Variants in ARHGAP24 observed in about 807,000 individuals in gnomAD.
ARHGAP24 encodes Rho GTPase activating protein 24.
A neutral mutation model predicts 76.4 loss-of-function variants in ARHGAP24; 50 were observed. The ratio of observed to expected loss-of-function variants is 0.65; its 90% CI spans 0.52 to 0.83. The LOEUF is 0.83. Ranked by LOEUF, ARHGAP24 falls within the 40% of genes least tolerant of loss-of-function variation. ARHGAP24 has a pLI of 0.00. For missense variants in ARHGAP24, 930 were observed against 914.2 expected (o/e 1.02, Z -0.22); for synonymous variants, 345 against 323.3 (o/e 1.07, Z -0.72).
chr4:85,586,066 G>A (rs1170641297), intron 2 of ARHGAP24, among the ~76,000 whole-genome samples: 4 of 152,114 alleles, frequency 2.6e-5, no homozygotes, highest in Non-Finnish European at 5.9e-5. Context: ...GATTGCAGGA[G>A]CATTTGCCCC....
intron 1 of ARHGAP24, among the ~76,000 whole-genome samples, chr4:85,569,455 T>C (rs1047061674): frequency 7.9e-5 from 12 of 152,222 alleles, no homozygotes; most frequent in African/African-American, 2.9e-4. Context: ...AATGTCCACC[T>C]TCTCTGTTCT....
intron 3 of ARHGAP24, among the ~76,000 whole-genome samples, chr4:85,738,367 TTTATTATTATTATTATTATTA>T (rs58504018): frequency 4.3e-4 from 62 of 144,094 alleles, no homozygotes; most frequent in African/African-American, 1.5e-3. Context: ...CATTTGGGCT[TTTATTATTATTATTATTATTA>T]TTATTATTAT....
chr4:85,631,645 A>G (rs1578094288), intron 2 of ARHGAP24, among the ~76,000 whole-genome samples: 4 of 152,192 alleles, frequency 2.6e-5, no homozygotes, highest in Admixed American at 2.6e-4. Flanking sequence ...TAGATTTCCT[A>G]TTCTTTCTCA....
intron 2 of ARHGAP24, among the ~76,000 whole-genome samples, chr4:85,627,520 A>G (rs534243419): frequency 3.3e-4 from 51 of 152,288 alleles, no homozygotes; most frequent in African/African-American, 1.1e-3. Flanking sequence ...CTCAGTGGTC[A>G]GGGAGCCACT....
intron 3 of ARHGAP24, among the ~76,000 whole-genome samples, chr4:85,815,472 CA>C (rs1729197027): frequency 6.6e-6 from 1 of 152,154 alleles, no homozygotes; most frequent in South Asian, 2.1e-4. Flanking sequence ...CTCTCGAGTT[CA>C]AAATTCCACA....
chr4:85,845,740 G>A (rs1273258333), intron 3 of ARHGAP24, among the ~76,000 whole-genome samples: 1 of 152,130 alleles, frequency 6.6e-6, no homozygotes, highest in Non-Finnish European at 1.5e-5. Flanking sequence ...TATGTTAATA[G>A]AGTTAAAAAT....
intron 3 of ARHGAP24, among the ~76,000 whole-genome samples, chr4:85,831,935 C>T (rs1730014300): frequency 6.6e-6 from 1 of 150,656 alleles, no homozygotes; most frequent in African/African-American, 2.4e-5. Flanking sequence ...TTTCCTTTTC[C>T]TGCTAAGTCT....
rs112904597 is a variant in ARHGAP24, at chr4:85,897,986, C to CAT, written c.269-25646_269-25645dup. 4.7e-3 allele frequency among the ~76,000 whole-genome samples: 675 copies of CAT among 144,990 alleles called. 1 individual carries two copies. Among genetic ancestry groups the CAT allele is most frequent in the African/African-American group, 0.011 (417 of 39,518 alleles). ...TATAGAAATTTACCTCTAATACACA[C>CAT]ATATATATATATATATACACATATA... On this transcript the variant is annotated intron_variant, in intron 3 of 9. Coordinates refer to ENST00000395184, the MANE Select transcript of ARHGAP24 (RefSeq NM_001025616.3).
chr4:85,923,544 C>A (rs527859674), intron 3 of ARHGAP24, 104 bp from the exon 4 acceptor site: 15 of 1,488,790 alleles, frequency 1.0e-5, no homozygotes, highest in Non-Finnish European at 1.4e-5. Flanking sequence ...GAACTTAGTG[C>A]GGGCTGTATT....
At chr4:85,520,638 C>T (rs1724704217) in intron 1 of ARHGAP24, among the ~76,000 whole-genome samples, 1 of 152,112 alleles carries the variant, frequency 6.6e-6, no homozygotes, top group Non-Finnish European at 1.5e-5. Flanking sequence ...TTTTCTTGAA[C>T]CTGTAATTTA....
intron 3 of ARHGAP24, among the ~76,000 whole-genome samples, chr4:85,851,968 T>C (rs977232196): frequency 3.9e-5 from 6 of 152,164 alleles, no homozygotes; most frequent in Non-Finnish European, 8.8e-5. Context: ...TAGTGTTCTC[T>C]GTATTTCTTG....
At chr4:85,891,292 A>G (rs1403840823) in intron 3 of ARHGAP24, among the ~76,000 whole-genome samples, 2 of 150,254 alleles carry the variant, frequency 1.3e-5, no homozygotes, top group Non-Finnish European at 3.0e-5. Flanking sequence ...ATAAACAATC[A>G]TGTCGTCTGC....
chr4:85,663,277 G>A (rs866209827), intron 2 of ARHGAP24, among the ~76,000 whole-genome samples: 12 of 141,396 alleles, frequency 8.5e-5, no homozygotes, highest in Non-Finnish European at 1.4e-4. Context: ...TCTCTTTGAA[G>A]CAATTGTGAA....
chr4:85,622,150 G>A lies in ARHGAP24; in HGVS notation c.180+51429G>A, dbSNP rs1448204104. Among the ~76,000 whole-genome samples, 3 of 151,802 alleles carry A rather than the reference G, an allele frequency of 2.0e-5. No homozygotes were observed. In the South Asian group the frequency reaches 6.2e-4, roughly 32 times the overall value. ...TTAGGGTGCATGTGCACAACATGCA[G>A]GTTTGTTACATATGTATATATGGTC... is the stretch of plus-strand genomic sequence containing the variant. On this transcript the variant is annotated intron_variant, in intron 2 of 9. Transcript: ENST00000395184.
At chr4:85,909,955 A>G (rs764127328) in intron 3 of ARHGAP24, among the ~76,000 whole-genome samples, 1 of 152,136 alleles carries the variant, frequency 6.6e-6, no homozygotes, top group Admixed American at 6.5e-5. Context: ...GGCAGGCTAC[A>G]TTCGGCTGAC....
chr4:85,547,135 C>G (rs2110126488), intron 1 of ARHGAP24, among the ~76,000 whole-genome samples: 2 of 152,196 alleles, frequency 1.3e-5, no homozygotes, highest in Middle Eastern at 3.4e-3. Context: ...TATATTGTCT[C>G]CTTTCTCTGT....
chr4:85,913,758 A>G (rs10516767), intron 3 of ARHGAP24, among the ~76,000 whole-genome samples: 25,051 of 152,198 alleles, frequency 0.16, 2,290 homozygotes, highest in South Asian at 0.34. Flanking sequence ...AAAGGATATA[A>G]AAGTAATTTG....
chr4:85,879,729 T>C (rs1733137069), intron 3 of ARHGAP24, among the ~76,000 whole-genome samples: 1 of 152,010 alleles, frequency 6.6e-6, no homozygotes, highest in African/African-American at 2.4e-5. Context: ...ATTATATGTA[T>C]TTAATTAAAT....
chr4:85,951,203 G>A (rs1737597704), intron 5 of ARHGAP24, among the ~76,000 whole-genome samples: 1 of 152,112 alleles, frequency 6.6e-6, no homozygotes, highest in Non-Finnish European at 1.5e-5. Context: ...TCCATGAATG[G>A]TGAGGTAATA....
Sources: allele counts gnomAD v4.1 joint callset (sites outside exome capture counted in the v4.1 genomes callset), GRCh38; gene constraint gnomAD v4.1.1; transcripts MANE v1.5; gene names NCBI Gene and HGNC (gene_info 2026-07-23, HGNC 2026-07-21).